Variants in FBXO28 observed in about 807,000 individuals in gnomAD.
The protein encoded by FBXO28 is F-box protein 28, also known as F-box only protein 28.
FBXO28 carries 8 observed loss-of-function variants against 38.1 expected under a neutral mutation model. The observed-to-expected ratio is 0.21, with a 90% CI of 0.12 to 0.38. The LOEUF (loss-of-function observed/expected upper bound fraction) is 0.38. Ranked by LOEUF, FBXO28 falls within the 10% of genes least tolerant of loss-of-function variation. FBXO28 has a pLI of 1.00. For missense variants in FBXO28, 345 were observed against 460.6 expected (o/e 0.75, Z 2.30); for synonymous variants, 168 against 173.8 (o/e 0.97, Z 0.26).
intron 3 of FBXO28, among the ~76,000 whole-genome samples, chr1:224,142,490 C>CTTTA (rs1412146607): frequency 2.0e-5 from 3 of 151,746 alleles, no homozygotes; most frequent in Admixed American, 6.6e-5. Context: ...TAACACTTAG[C>CTTTA]TTAAATGTCG....
chr1:224,154,853 C>T (rs1657736738), intron 4 of FBXO28, among the ~76,000 whole-genome samples: 1 of 149,130 alleles, frequency 6.7e-6, no homozygotes, highest in Admixed American at 6.7e-5. Flanking sequence ...TGACGCATGT[C>T]TGTAGTCCCA....
chr1:224,129,817 G>A (rs934680788), intron 1 of FBXO28, among the ~76,000 whole-genome samples: 4 of 152,012 alleles, frequency 2.6e-5, no homozygotes, highest in Non-Finnish European at 2.9e-5. Flanking sequence ...GTGAAACCCC[G>A]TCTCTACTAA....
chr1:224,155,001 T>G (rs192490910), intron 4 of FBXO28, among the ~76,000 whole-genome samples: 1 of 151,606 alleles, frequency 6.6e-6, no homozygotes, highest in African/African-American at 2.4e-5. Context: ...AATCATTAAG[T>G]TAAACCATTG....
chr1:224,154,508 TA>T (rs1308303835), intron 4 of FBXO28, among the ~76,000 whole-genome samples: 1 of 145,104 alleles, frequency 6.9e-6, no homozygotes, highest in Non-Finnish European at 1.5e-5. Flanking sequence ...GTGTCTCTAC[TA>T]AAAAATACCA....
At position 224,138,974 on chromosome 1, in the gene FBXO28, G is replaced by A. The variant is rs553324138; in HGVS notation, c.516+4762G>A. Among the ~76,000 whole-genome samples the A allele has an allele frequency of 7.3e-5, 11 of 151,688 alleles. No homozygotes were observed. The South Asian group carries it at 1.0e-3, about 14-fold the overall frequency. On this transcript the variant is annotated intron_variant, in intron 3 of 4. Coordinates refer to ENST00000366862, the MANE Select transcript of FBXO28 (RefSeq NM_015176.4). ...GTTTTTTTGTATTTTTAATAGAGAC[G>A]GGGTTTGACCGTGTTAGCCAGGATG...
Position 224,134,209 on chromosome 1 carries a change from A to G in FBXO28, c.513A>G (p.Gly171=). ...CCAATCTCTGTTGCTTCATCCCAGG[A>G]AAGGTAAAATAGAATTGCTTGCCTA... The part of the protein sequence containing the change: ...VDSNLCCFIP[G]KVIDEIYRVL... Residue 171 remains glycine, a synonymous_variant, in exon 3 of 5, where the codon GGA becomes GGG. Transcript: ENST00000366862. 1 of 1,612,268 alleles carries G rather than the reference A, an allele frequency of 6.2e-7. No homozygotes were observed. Among genetic ancestry groups the G allele is most frequent in the Non-Finnish European group, 8.5e-7 (1 of 1,179,422 alleles).
At chr1:224,139,310 T>G (rs116232045) in intron 3 of FBXO28, among the ~76,000 whole-genome samples, 3,547 of 151,964 alleles carry the variant, frequency 0.023, 76 homozygotes, top group Non-Finnish European at 0.04. Flanking sequence ...TTCTTTTTTT[T>G]GTGTGTGTAA....
At chr1:224,149,179 T>G (rs1453792330) in intron 3 of FBXO28, among the ~76,000 whole-genome samples, 2 of 152,224 alleles carry the variant, frequency 1.3e-5, no homozygotes, top group Non-Finnish European at 2.9e-5. Context: ...TTTTAAGTAT[T>G]CTATATTTTT....
rs573038348 is a variant in FBXO28, at chr1:224,141,247, C to T, written c.516+7035C>T. Among the ~76,000 whole-genome samples the T allele has an allele frequency of 1.9e-3, 293 of 151,808 alleles. 1 individual carries two copies. The highest frequency in any genetic ancestry group is 6.8e-3 in the African/African-American group (281 of 41,384). On this transcript the variant is annotated intron_variant, in intron 3 of 4. Transcript: ENST00000366862. ...CAGCACTTTGGGAGGCCGAGGTGGG[C>T]GGATCACGAGGTCAGGAGATGGAGA...
chr1:224,152,622 A>G (rs1347388898), intron 3 of FBXO28, among the ~76,000 whole-genome samples: 1 of 152,112 alleles, frequency 6.6e-6, no homozygotes, highest in East Asian at 1.9e-4. Context: ...AAGGTGCTTA[A>G]TAAATGCAAG....
In FBXO28 at chr1:224,114,135, G is replaced by C; in HGVS notation, c.6G>C (p.Ala2=). The change falls in exon 1 of 5, where the codon GCG becomes GCC. Residue 2 remains alanine, a synonymous_variant. Transcript: ENST00000366862. M[A]AAAEERMAEE... is the part of the protein sequence containing the mutation. ...TAAGGAATCAAGCCCCCAAGATGGC[G>C]GCAGCGGCGGAGGAGCGGATGGCAG... 1 of 1,539,406 alleles carries C rather than the reference G, an allele frequency of 6.5e-7. No individual in the cohort carries two copies. The highest frequency in any genetic ancestry group is 8.8e-7 in the Non-Finnish European group (1 of 1,141,806).
rs57616453 is a variant in FBXO28 at position 224,152,925 on chromosome 1, C to CAAAAAAAAA, written c.517-197_517-189dup. Reference sequence around the variant, plus strand: ...TTGGGCAACGAGTGAAACTCTGTCTCAAAAAAAAAAAAAAAAAAAAAAAAA... The same window carrying CAAAAAAAAA: ...TTGGGCAACGAGTGAAACTCTGTCTCAAAAAAAAAAAAAAAAAAAAAAAAAAAAAAAAAA... On this transcript the variant is annotated intron_variant, in intron 3 of 4. Transcript: ENST00000366862. Among the ~76,000 whole-genome samples, 35 of 64,908 alleles carry CAAAAAAAAA rather than the reference C, an allele frequency of 5.4e-4. 1 individual carries two copies. The highest frequency in any genetic ancestry group is 2.2e-3 in the African/African-American group (34 of 15,474). 42.6% of individuals were successfully genotyped at this position (64,908 alleles called of 152,430 possible).
chr1:224,149,059 T>C (rs929583047), intron 3 of FBXO28, among the ~76,000 whole-genome samples: 1 of 152,200 alleles, frequency 6.6e-6, no homozygotes, highest in African/African-American at 2.4e-5. Flanking sequence ...AGTCCTATTC[T>C]AGCCCAAATA....
intron 3 of FBXO28, among the ~76,000 whole-genome samples, chr1:224,138,183 A>G (rs1657241505): frequency 6.6e-6 from 1 of 151,458 alleles, no homozygotes; most frequent in Non-Finnish European, 1.5e-5. Context: ...AGCCGAGATC[A>G]CACTGGTGCA....
At position 224,157,896 on chromosome 1, in the gene FBXO28, C is replaced by G; in HGVS notation, c.*150C>G. 16 of 1,423,016 alleles carry G rather than the reference C, an allele frequency of 1.1e-5. No individual in the cohort carries two copies. Among genetic ancestry groups the G allele is most frequent in the Non-Finnish European group, 1.5e-5 (16 of 1,095,588 alleles). 88.1% of individuals were successfully genotyped at this position (1,423,016 alleles called of 1,614,324 possible). ...CTTGAACTCTTATGGTTGGGACATT[C>G]TTTTCCTGCTTCTCCTGATTGAACT... On this transcript the variant is annotated 3_prime_UTR_variant, in exon 5 of 5. Coordinates refer to ENST00000366862, the MANE Select transcript of FBXO28 (RefSeq NM_015176.4).
intron 4 of FBXO28, among the ~76,000 whole-genome samples, chr1:224,156,122 AAGG>A (rs1175672763): frequency 6.6e-6 from 1 of 152,222 alleles, no homozygotes; most frequent in Non-Finnish European, 1.5e-5. Context: ...TTAGATGTGC[AAGG>A]AGAAGATTAA....
At chr1:224,145,293 CAAAAAAA>C (rs3035404) in intron 3 of FBXO28, among the ~76,000 whole-genome samples, 4 of 73,566 alleles carry the variant, frequency 5.4e-5, no homozygotes, top group Admixed American at 1.9e-4. Context: ...GACTACATCT[CAAAAAAA>C]AAAAAAAAAA....
intron 1 of FBXO28, among the ~76,000 whole-genome samples, chr1:224,129,063 G>C (rs573181378): frequency 6.6e-6 from 1 of 151,682 alleles, no homozygotes; most frequent in Non-Finnish European, 1.5e-5. Context: ...ATTTTGGGCC[G>C]AGTGCAGTGG....
chr1:224,146,038 C>T (rs1326016553), intron 3 of FBXO28, among the ~76,000 whole-genome samples: 1 of 151,128 alleles, frequency 6.6e-6, no homozygotes, highest in Non-Finnish European at 1.5e-5. Flanking sequence ...TGCCCTCCAG[C>T]CTGGGCAACA....
Sources: gnomAD v4.1 joint callset for allele counts (sites outside exome capture counted in the v4.1 genomes callset) on GRCh38, gnomAD v4.1.1 for gene constraint, MANE v1.5 for transcripts, NCBI Gene and HGNC (gene_info 2026-07-23, HGNC 2026-07-21) for gene names.